Variants in MARCHF7 observed in about 807,000 individuals in gnomAD.
The protein encoded by MARCHF7 is E3 ubiquitin-protein ligase MARCHF7.
MARCHF7 carries 20 observed loss-of-function variants against 76.5 expected under a neutral mutation model. That is an observed-to-expected ratio of 0.26 (90% confidence interval 0.18 to 0.38). The LOEUF is 0.38. Ranked by LOEUF, MARCHF7 falls within the 10% of genes least tolerant of loss-of-function variation. MARCHF7 has a pLI of 1.00. For synonymous variants in MARCHF7, 295 were observed against 293.0 expected, an observed-to-expected ratio of 1.01 and a Z score of -0.07; for missense variants, 797 against 812.9, an observed-to-expected ratio of 0.98 and a Z score of 0.24.
In MARCHF7 at chr2:159,769,955, T is replaced by G. The variant is rs1000891579; in HGVS notation, c.*2613T>G. The G allele has an allele frequency of 6.6e-6, 1 of 152,230 alleles. No homozygotes were observed. Among genetic ancestry groups the G allele is most frequent in the Non-Finnish European group, 1.5e-5 (1 of 68,036 alleles). The allele number at this position is 152,230 out of a possible 1,614,324, so 9.4% of individuals were successfully genotyped here. ...GCTAATGTAATTCGAAAACTGGATT[T>G]TAAACTAAATTTACTTAAATAGCCT... On this transcript the variant is annotated 3_prime_UTR_variant, in exon 12 of 12. Coordinates refer to ENST00000409175, the MANE Select transcript of MARCHF7 (RefSeq NM_001282805.2).
At chr2:159,716,324 C>T (rs1022169622) in intron 3 of MARCHF7, among the ~76,000 whole-genome samples, 16 of 151,392 alleles carry the variant, frequency 1.1e-4, no homozygotes, top group Non-Finnish European at 1.9e-4. Context: ...ATAGTAACTG[C>T]GTGTTTGTAT....
At chr2:159,716,631 A>G (rs12995962) in intron 3 of MARCHF7, among the ~76,000 whole-genome samples, 9,047 of 141,760 alleles carry the variant, frequency 0.064, 355 homozygotes, top group Middle Eastern at 0.14. Flanking sequence ...CAGCAGAGTG[A>G]GACCCTGTCT....
chr2:159,721,420 G>A (rs1701629175), intron 3 of MARCHF7, among the ~76,000 whole-genome samples: 1 of 152,126 alleles, frequency 6.6e-6, no homozygotes, highest in Non-Finnish European at 1.5e-5. Flanking sequence ...TTTTACTCTT[G>A]TTGCTGTGTC....
intron 4 of MARCHF7, among the ~76,000 whole-genome samples, chr2:159,742,701 G>A (rs947730432): frequency 2.6e-5 from 4 of 152,100 alleles, no homozygotes; most frequent in South Asian, 2.1e-4. Context: ...TAATCCCAGC[G>A]GCCGAGGCAG....
intron 8 of MARCHF7, among the ~76,000 whole-genome samples, chr2:159,753,577 A>G (rs1173637670): frequency 3.3e-5 from 5 of 152,026 alleles, no homozygotes; most frequent in Non-Finnish European, 7.4e-5. Context: ...GAGATGAGAA[A>G]GATTAGCAGA....
At chr2:159,736,373 T>A (rs1258101668) in intron 4 of MARCHF7, among the ~76,000 whole-genome samples, 2 of 152,212 alleles carry the variant, frequency 1.3e-5, no homozygotes, top group Non-Finnish European at 2.9e-5. Flanking sequence ...ACTAATGATG[T>A]TATACATCTT....
chr2:159,726,451 A>G (rs1702186159), intron 3 of MARCHF7, among the ~76,000 whole-genome samples: 1 of 151,940 alleles, frequency 6.6e-6, no homozygotes, highest in South Asian at 2.1e-4. Flanking sequence ...TTTAGTGGAG[A>G]CGGGGTTTCA....
At chr2:159,759,171 T>A in intron 8 of MARCHF7, 55 bp from the exon 9 acceptor site, 1 of 909,432 alleles carries the variant, frequency 1.1e-6, no homozygotes, top group Admixed American at 2.2e-5. Context: ...CGAGGAAAAG[T>A]GTTTTATGAA....
chr2:159,744,142 T>C (rs1239457146), intron 5 of MARCHF7, among the ~76,000 whole-genome samples: 2 of 151,012 alleles, frequency 1.3e-5, no homozygotes, highest in Admixed American at 6.6e-5. Context: ...CGCCCGCCAC[T>C]ACGCCCGGCT....
At chr2:159,731,120 C>T (rs1173474779) in intron 4 of MARCHF7, among the ~76,000 whole-genome samples, 1 of 152,166 alleles carries the variant, frequency 6.6e-6, no homozygotes, top group Non-Finnish European at 1.5e-5. Context: ...TCTCACACTC[C>T]TGGGCTCAAC....
At chr2:159,756,231 A>T (rs974109024) in intron 8 of MARCHF7, among the ~76,000 whole-genome samples, 1 of 152,236 alleles carries the variant, frequency 6.6e-6, no homozygotes, top group Non-Finnish European at 1.5e-5. Flanking sequence ...AGGAAAACAG[A>T]TAATACAGGT....
chr2:159,748,534 C>G lies in MARCHF7; in HGVS notation c.1244C>G (p.Ser415Cys). 1 of 1,614,190 alleles carries G rather than the reference C, an allele frequency of 6.2e-7. No individual in the cohort carries two copies. The highest frequency in any genetic ancestry group is 8.5e-7 in the Non-Finnish European group (1 of 1,180,014). The change falls in exon 7 of 12, where the codon TCT (serine) becomes TGT (cysteine). Residue 415 changes from serine to cysteine, a missense_variant. Around this residue, in one of 3 missense-constraint regions of MARCHF7, gnomAD observed 643 missense variants for 631.5 expected, o/e 1.02. Coordinates refer to ENST00000409175, the MANE Select transcript of MARCHF7 (RefSeq NM_001282805.2). ...GRDESSRIPTSDTSSRSHIFR... is the reference protein window; with the variant it reads ...GRDESSRIPTCDTSSRSHIFR... ...GATGAATCTTCAAGGATACCTACCT[C>G]TGATACATCATCTAGATCTCATATT...
At chr2:159,756,238 A>G (rs550988035) in intron 8 of MARCHF7, among the ~76,000 whole-genome samples, 1 of 152,308 alleles carries the variant, frequency 6.6e-6, no homozygotes, top group East Asian at 1.9e-4. Flanking sequence ...CAGATAATAC[A>G]GGTTATTGTT....
Position 159,748,843 on chromosome 2 carries a change from G to C in MARCHF7, c.1553G>C (p.Ser518Thr). ...PSGWNSADGK[S>T]DKTKSAPSRD... ...GGTTGGAATTCAGCTGATGGTAAAA[G>C]TGATAAAACTAAAAGTGCGCCTTCA... The change falls in exon 7 of 12, where the codon AGT becomes ACT. Residue 518 changes from serine (S) to threonine (T), a missense_variant. Ser to Thr is a moderately conservative substitution (Grantham distance 58). Coordinates refer to ENST00000409175, the MANE Select transcript of MARCHF7 (RefSeq NM_001282805.2). 1 of 1,613,746 alleles carries C rather than the reference G, an allele frequency of 6.2e-7. No individual in the cohort carries two copies. The highest frequency in any genetic ancestry group is 8.5e-7 in the Non-Finnish European group (1 of 1,179,934).
intron 4 of MARCHF7, among the ~76,000 whole-genome samples, chr2:159,734,413 A>G (rs1418996365): frequency 6.7e-6 from 1 of 148,866 alleles, no homozygotes; most frequent in Non-Finnish European, 1.5e-5. Flanking sequence ...TTAATTTTTA[A>G]AACTACCTTA....
chr2:159,748,514 A>G lies in MARCHF7; in HGVS notation c.1224A>G (p.Glu408=). 6.2e-7 allele frequency: 1 copy of G among 1,614,144 alleles called. No homozygotes were observed. The highest frequency in any genetic ancestry group is 8.5e-7 in the Non-Finnish European group (1 of 1,179,984). ...GAAGGAGGCGAGAGGGAAGAGATGA[A>G]TCTTCAAGGATACCTACCTCTGATA... ...FSRRRREGRD[E]SSRIPTSDTS... is the part of the protein sequence containing the mutation. The change falls in exon 7 of 12, where the codon GAA becomes GAG. Residue 408 remains glutamate (E), a synonymous_variant. Coordinates refer to ENST00000409175, the MANE Select transcript of MARCHF7 (RefSeq NM_001282805.2).
At chr2:159,739,701 T>C (rs1485019031) in intron 4 of MARCHF7, among the ~76,000 whole-genome samples, 1 of 152,214 alleles carries the variant, frequency 6.6e-6, no homozygotes. Flanking sequence ...TGAACAAATA[T>C]GGACAAAATT....
chr2:159,743,767 C>T (rs577144664), intron 5 of MARCHF7, among the ~76,000 whole-genome samples: 102 of 149,176 alleles, frequency 6.8e-4, no homozygotes, highest in Admixed American at 1.5e-3. Context: ...ATTAGCTGGG[C>T]ATGGTGGTGC....
At position 159,758,742 on chromosome 2, in the gene MARCHF7, C is replaced by T. The variant is rs375474870; in HGVS notation, c.1784-484C>T. 9.3e-4 allele frequency among the ~76,000 whole-genome samples: 141 copies of T among 152,270 alleles called. No individual in the cohort carries two copies. The South Asian group carries it at 0.028, about 30-fold the overall frequency. On this transcript the variant is annotated intron_variant, in intron 8 of 11. Transcript: ENST00000409175. ...TGGGGTCCCTTTTTTCCCATTCTAG[C>T]AAGTAAGGCAGACATATTCCTTAAA...
Sources: allele counts gnomAD v4.1 joint callset (sites outside exome capture counted in the v4.1 genomes callset), GRCh38; gene constraint gnomAD v4.1.1; regional missense constraint gnomAD v4.1.1; transcripts MANE v1.5; gene names NCBI Gene and HGNC (gene_info 2026-07-23, HGNC 2026-07-21).